Variants in RAB5IF observed in about 807,000 individuals in gnomAD.
RAB5IF encodes RAB5 interacting factor.
A neutral mutation model predicts 20.3 loss-of-function variants in RAB5IF; 15 were observed. That is an observed-to-expected ratio of 0.74 (90% confidence interval 0.50 to 1.14). The LOEUF is 1.14. RAB5IF is among the 50% of genes most tolerant of loss of function. The pLI is 0.00. For missense variants in RAB5IF, 148 were observed against 159.5 expected (o/e 0.93, Z 0.39); for synonymous variants, 67 against 63.7 (o/e 1.05, Z -0.25).
intron 3 of RAB5IF, 34 bp downstream of exon 3, chr20:36,609,764 G>A: frequency 6.2e-7 from 1 of 1,614,094 alleles, no homozygotes; most frequent in African/African-American, 1.3e-5. Flanking sequence ...AACAGGTACT[G>A]TTCATTTCAT....
chr20:36,607,533 A>G (rs527849119), intron 1 of RAB5IF, among the ~76,000 whole-genome samples, 182 bp from the exon 2 acceptor site: 1 of 152,130 alleles, frequency 6.6e-6, no homozygotes, highest in South Asian at 2.1e-4. Context: ...CCCAGCCCCT[A>G]AATGTATCAT....
intron 2 of RAB5IF, chr20:36,608,248 C>A (rs1287806304): frequency 3.7e-6 from 1 of 270,092 alleles, no homozygotes; most frequent in Non-Finnish European, 7.4e-6. Flanking sequence ...TCAGGTCCCT[C>A]CATTTTGTTT....
Position 36,612,523 on chromosome 20 carries a change from C to CACAT in RAB5IF, c.*475_*478dup, listed in dbSNP as rs1216201591. The CACAT allele has an allele frequency of 1.9e-5, 8 of 412,750 alleles. No homozygotes were observed. The highest frequency in any genetic ancestry group is 6.0e-5 in the African/African-American group (3 of 49,926). 25.6% of individuals were successfully genotyped at this position (412,750 alleles called of 1,614,324 possible). On this transcript the variant is annotated 3_prime_UTR_variant, in exon 4 of 4. Transcript: ENST00000344795. ...AAGAGTTTCCATTGTAGAATGTTTT[C>CACAT]ACATACTTGAATAAATCAAATCTTT...
At chr20:36,609,843 A>G in intron 3 of RAB5IF, 113 bp downstream of exon 3, 2 of 1,600,270 alleles carry the variant, frequency 1.2e-6, no homozygotes, top group Non-Finnish European at 1.7e-6. Context: ...CTATTTTTCT[A>G]AAGGCTTCTG....
intron 1 of RAB5IF, 103 bp downstream of exon 1, chr20:36,606,168 G>A: frequency 1.4e-6 from 1 of 695,630 alleles, no homozygotes. Context: ...CGGCACAATC[G>A]AGTAGGGCAG....
At chr20:36,606,635 A>G (rs2038941002) in intron 1 of RAB5IF, among the ~76,000 whole-genome samples, 1 of 152,188 alleles carries the variant, frequency 6.6e-6, no homozygotes, top group Admixed American at 6.5e-5. Context: ...TTTGATAAGC[A>G]TGAGTCAAGA....
chr20:36,609,187 ACACACACGCACACACG>A (rs869091103), intron 2 of RAB5IF, among the ~76,000 whole-genome samples: 3 of 52,728 alleles, frequency 5.7e-5, no homozygotes, highest in African/African-American at 8.6e-5. Flanking sequence ...ACACACACAC[ACACACACGCACACACG>A]CACACACGCA....
rs900690666 is a variant in RAB5IF at position 36,605,877 on chromosome 20, C to T, written c.-75C>T. 26 of 853,274 alleles carry T rather than the reference C, an allele frequency of 3.0e-5. No homozygotes were observed. Among genetic ancestry groups the T allele is most frequent in the Middle Eastern group, 3.9e-4 (1 of 2,536 alleles). 52.9% of individuals were successfully genotyped at this position (853,274 alleles called of 1,614,324 possible). ...GCCTGCAGCCGCCCCGCGCCGTGACCTGCGACCCTAGACCCCGACTCCCTT... is the reference window on the plus strand; with the variant it reads ...GCCTGCAGCCGCCCCGCGCCGTGACTTGCGACCCTAGACCCCGACTCCCTT... On this transcript the variant is annotated 5_prime_UTR_variant, in exon 1 of 4. Transcript: ENST00000344795.
At chr20:36,606,090 C>T (rs1302435348) in intron 1 of RAB5IF, 25 bp downstream of exon 1, 26 of 1,337,976 alleles carry the variant, frequency 1.9e-5, no homozygotes, top group South Asian at 7.7e-5. Flanking sequence ...GAACAGGGCG[C>T]GGGTGCGAGG....
At position 36,609,106 on chromosome 20, in the gene RAB5IF, G is replaced by C. The variant is rs1412201271; in HGVS notation, c.219-495G>C. ...GAGGCCCATGTCAGGTCCCGCTTGG[G>C]ATGGCTTATCAGCCATTCTGTTACT... On this transcript the variant is annotated intron_variant, in intron 2 of 3. Coordinates refer to ENST00000344795, the MANE Select transcript of RAB5IF (RefSeq NM_018840.5). Among the ~76,000 whole-genome samples, 8 of 150,516 alleles carry C rather than the reference G, an allele frequency of 5.3e-5. No individual in the cohort carries two copies. In the Admixed American group the frequency reaches 5.3e-4, roughly 10 times the overall value.
chr20:36,609,156 T>TACATACATACACACACACACACACAC lies in RAB5IF; in HGVS notation c.219-442_219-441insTACATACACACACACACACACACACA. Among the ~76,000 whole-genome samples the TACATACATACACACACACACACACAC allele has an allele frequency of 7.0e-4, 12 of 17,064 alleles. 1 individual carries two copies. The highest frequency in any genetic ancestry group is 1.6e-3 in the East Asian group (1 of 642). The allele number at this position is 17,064 out of a possible 152,430, so 11.2% of individuals were successfully genotyped here. On this transcript the variant is annotated intron_variant, in intron 2 of 3. Transcript: ENST00000344795. The stretch of plus-strand genomic sequence containing the variant: ...TTCAAGGGGCTTTGGAGAACTATAT[T>TACATACATACACACACACACACACAC]ACACACACACACACACACACACACA...
chr20:36,611,379 T>TTGAG (rs1158460174), intron 3 of RAB5IF, among the ~76,000 whole-genome samples: 1 of 151,500 alleles, frequency 6.6e-6, no homozygotes, highest in Non-Finnish European at 1.5e-5. Context: ...GGCAGACTGC[T>TTGAG]TGAGTCCAGG....
Position 36,612,035 on chromosome 20 carries a change from C to T in RAB5IF, c.374C>T (p.Ala125Val), listed in dbSNP as rs1364757217. Residue 125 changes from alanine (A) to valine (V), a missense_variant, in exon 4 of 4, where the codon GCC (alanine) becomes GTC (valine). Physicochemically the swap from Ala to Val is moderately conservative, Grantham distance 64. Coordinates refer to ENST00000344795, the MANE Select transcript of RAB5IF (RefSeq NM_018840.5). Reference protein sequence around the residue: ...FMVIWIIFYTAIHYD With the variant: ...FMVIWIIFYTVIHYD ...GTCATTTGGATCATCTTTTACACTG[C>T]CATCCATTATGACTGATGGTGTACA... The T allele has an allele frequency of 6.2e-6, 10 of 1,614,156 alleles. No individual in the cohort carries two copies. Among genetic ancestry groups the T allele is most frequent in the Non-Finnish European group, 8.5e-6 (10 of 1,180,036 alleles).
rs566354083 is a variant in RAB5IF, at chr20:36,612,123, G to A, written c.*72G>A. ...TTGATTACAGCACAGGAACTTGATC[G>A]TTGGGGAACCCCAGCCCCTTGGAAC... On this transcript the variant is annotated 3_prime_UTR_variant, in exon 4 of 4. Transcript: ENST00000344795. 1.8e-5 allele frequency: 29 copies of A among 1,614,052 alleles called. No homozygotes were observed. Among genetic ancestry groups the A allele is most frequent in the Admixed American group, 6.7e-5 (4 of 59,984 alleles).
intron 3 of RAB5IF, among the ~76,000 whole-genome samples, chr20:36,610,275 A>G (rs2039076077): frequency 6.6e-6 from 1 of 151,760 alleles, no homozygotes; most frequent in African/African-American, 2.4e-5. Context: ...CAAGAGGGAA[A>G]CTCCATCTCA....
chr20:36,608,827 A>C (rs565527609), intron 2 of RAB5IF, among the ~76,000 whole-genome samples: 1 of 151,714 alleles, frequency 6.6e-6, no homozygotes, highest in South Asian at 2.1e-4. Flanking sequence ...GGCCTCCCAA[A>C]GTGCTGGGAT....
chr20:36,607,945 G>T, intron 2 of RAB5IF, 127 bp downstream of exon 2: 1 of 1,524,774 alleles, frequency 6.6e-7, no homozygotes, highest in Non-Finnish European at 8.9e-7. Flanking sequence ...AAGCAAAGAA[G>T]CAGCCCTACA....
chr20:36,607,408 T>C (rs567869211), intron 1 of RAB5IF, among the ~76,000 whole-genome samples: 53 of 152,218 alleles, frequency 3.5e-4, no homozygotes, highest in Non-Finnish European at 6.6e-4. Flanking sequence ...TTTTGTATTT[T>C]TAGTAGAGAC....
chr20:36,609,219 G>GCACACACACA (rs1555790838), intron 2 of RAB5IF, among the ~76,000 whole-genome samples: 8 of 42,768 alleles, frequency 1.9e-4, no homozygotes, highest in Non-Finnish European at 3.1e-4. Flanking sequence ...ACGCACACAC[G>GCACACACACA]CACACACACA....
Sources: gnomAD v4.1 joint callset for allele counts (sites outside exome capture counted in the v4.1 genomes callset) on GRCh38, gnomAD v4.1.1 for gene constraint, MANE v1.5 for transcripts, NCBI Gene and HGNC (gene_info 2026-07-23, HGNC 2026-07-21) for gene names.